The following NRG1 variants were observed in gnomAD, a reference collection of about 807,000 sequenced individuals.
The protein encoded by NRG1 is neuregulin 1.
NRG1 carries 18 observed loss-of-function variants against 63.8 expected under a neutral mutation model. The observed-to-expected ratio is 0.28, with a 90% CI of 0.19 to 0.42. The LOEUF (loss-of-function observed/expected upper bound fraction) is 0.42, where lower values mean the gene tolerates loss of function less well. Among genes scored for constraint, NRG1 ranks in the 10% least tolerant of loss-of-function variants. The pLI, the probability that NRG1 is intolerant of heterozygous loss-of-function variation, is 1.00. For synonymous variants in NRG1, 302 were observed against 301.3 expected (o/e 1.00, Z -0.02); for missense variants, 762 against 814.7 (o/e 0.94, Z 0.79).
chr8:31,903,104 G>A (rs1470971991), intron 1 of NRG1, among the ~76,000 whole-genome samples: 3 of 151,050 alleles, frequency 2.0e-5, no homozygotes, highest in Non-Finnish European at 3.0e-5. Flanking sequence ...ATTGCAAAAT[G>A]TGAGTGAAGG....
chr8:32,235,052 G>A (rs148156108), intron 1 of NRG1, among the ~76,000 whole-genome samples: 36 of 152,016 alleles, frequency 2.4e-4, no homozygotes, highest in African/African-American at 8.7e-4. Flanking sequence ...AGCCCTCAAA[G>A]TCAGACAAAG....
chr8:32,411,063 A>C (rs536666494), intron 1 of NRG1, among the ~76,000 whole-genome samples: 2 of 152,162 alleles, frequency 1.3e-5, no homozygotes, highest in East Asian at 3.9e-4. Flanking sequence ...TGTAGTAGAG[A>C]CAGGGTTTCA....
intron 1 of NRG1, among the ~76,000 whole-genome samples, chr8:31,742,317 T>G (rs143173341): frequency 6.6e-6 from 1 of 151,980 alleles, no homozygotes; most frequent in African/African-American, 2.4e-5. Flanking sequence ...CTCAGTCTGA[T>G]AGTAGAAAGA....
chr8:32,172,215 T>G (rs1160951247), intron 1 of NRG1, among the ~76,000 whole-genome samples: 1 of 152,170 alleles, frequency 6.6e-6, no homozygotes, highest in Non-Finnish European at 1.5e-5. Flanking sequence ...CAGCCTCCGC[T>G]GCTGATACCC....
intron 1 of NRG1, among the ~76,000 whole-genome samples, chr8:32,532,615 A>G (rs1831563026): frequency 6.6e-6 from 1 of 152,126 alleles, no homozygotes; most frequent in African/African-American, 2.4e-5. Context: ...TTGACATTTT[A>G]GACAATGATA....
At chr8:32,714,953 C>A (rs1818812566) in intron 5 of NRG1, among the ~76,000 whole-genome samples, 1 of 152,158 alleles carries the variant, frequency 6.6e-6, no homozygotes, top group African/African-American at 2.4e-5. Flanking sequence ...TTATTCAAAG[C>A]AGCATGAAGG....
intron 1 of NRG1, among the ~76,000 whole-genome samples, chr8:31,999,692 AGAG>A (rs887845149): frequency 6.6e-6 from 1 of 152,020 alleles, no homozygotes; most frequent in African/African-American, 2.4e-5. Flanking sequence ...ACTGAGTTAA[AGAG>A]GTAAAAATAT....
chr8:32,261,653 C>T lies in NRG1; in HGVS notation c.38-334175C>T, dbSNP rs981543856. Among the ~76,000 whole-genome samples, 3 of 152,198 alleles carry T rather than the reference C, an allele frequency of 2.0e-5. No homozygotes were observed. In the East Asian group the frequency reaches 5.8e-4, roughly 29 times the overall value. On this transcript the variant is annotated intron_variant, in intron 1 of 10. Coordinates refer to the NRG1 transcript ENST00000519301. ...AGAATCTCTAGGGAGTGAGGACCAA[C>T]AGTTGCGCTTTTAACACCTCCACTC...
At chr8:32,323,927 A>G (rs763426716) in intron 1 of NRG1, among the ~76,000 whole-genome samples, 5 of 152,168 alleles carry the variant, frequency 3.3e-5, no homozygotes, top group Middle Eastern at 3.2e-3. Context: ...AGTTTCAGTA[A>G]CTGCTGATTC....
chr8:32,680,139 A>G (rs575068170), intron 5 of NRG1, among the ~76,000 whole-genome samples: 18 of 152,320 alleles, frequency 1.2e-4, no homozygotes, highest in African/African-American at 4.3e-4. Context: ...TCAGTAAAAG[A>G]TGATTGTTAA....
intron 1 of NRG1, among the ~76,000 whole-genome samples, chr8:31,899,549 T>A (rs867327225): frequency 6.6e-6 from 1 of 152,166 alleles, no homozygotes; most frequent in Non-Finnish European, 1.5e-5. Context: ...TTCCAGGACT[T>A]ATTATTATCA....
chr8:32,577,991 G>A (rs532343679), intron 1 of NRG1, among the ~76,000 whole-genome samples: 93 of 152,106 alleles, frequency 6.1e-4, no homozygotes, highest in Admixed American at 1.3e-3. Flanking sequence ...GGAGGTTTTT[G>A]TTTGCTTGTT....
At chr8:32,367,735 C>A (rs1808263734) in intron 1 of NRG1, among the ~76,000 whole-genome samples, 2 of 152,090 alleles carry the variant, frequency 1.3e-5, no homozygotes, top group South Asian at 4.1e-4. Context: ...GTCTTAGCCA[C>A]AAGATCTTCG....
intron 1 of NRG1, among the ~76,000 whole-genome samples, chr8:32,354,277 G>A (rs1806051366): frequency 6.6e-6 from 1 of 152,112 alleles, no homozygotes; most frequent in African/African-American, 2.4e-5. Flanking sequence ...GCTGAGGCAG[G>A]AGAATCGCTA....
intron 1 of NRG1, among the ~76,000 whole-genome samples, chr8:32,425,647 G>A (rs1305217812): frequency 6.6e-6 from 1 of 152,154 alleles, no homozygotes; most frequent in Non-Finnish European, 1.5e-5. Context: ...TGCCCACAGA[G>A]CTGAAAACAT....
chr8:32,235,853 G>C (rs1847494782), intron 1 of NRG1, among the ~76,000 whole-genome samples: 1 of 151,782 alleles, frequency 6.6e-6, no homozygotes, highest in Non-Finnish European at 1.5e-5. Context: ...TCAAAAGGTA[G>C]TCCTTGAATC....
chr8:32,552,856 T>C (rs977630964), intron 1 of NRG1, among the ~76,000 whole-genome samples: 1 of 152,128 alleles, frequency 6.6e-6, no homozygotes, highest in Non-Finnish European at 1.5e-5. Context: ...CCAAAAAATA[T>C]TAGACAAACA....
chr8:32,190,773 A>G (rs1842417771), intron 1 of NRG1, among the ~76,000 whole-genome samples: 1 of 152,176 alleles, frequency 6.6e-6, no homozygotes, highest in South Asian at 2.1e-4. Flanking sequence ...TGGGTCAGAG[A>G]TGAAGGATAG....
chr8:32,159,552 A>AG (rs1838594632), intron 1 of NRG1, among the ~76,000 whole-genome samples: 1 of 151,804 alleles, frequency 6.6e-6, no homozygotes, highest in Admixed American at 6.6e-5. Flanking sequence ...AAAAAAAAAA[A>AG]AAAAAAGAAA....
Sources: gnomAD v4.1 joint callset for allele counts (sites outside exome capture counted in the v4.1 genomes callset) on GRCh38, gnomAD v4.1.1 for gene constraint, MANE v1.5 for transcripts, NCBI Gene and HGNC (gene_info 2026-07-23, HGNC 2026-07-21) for gene names.